Variants in XRCC5 observed in about 807,000 individuals in gnomAD.
XRCC5 encodes DNA repair protein Ku80.
A neutral mutation model predicts 95.7 loss-of-function variants in XRCC5; 12 were observed. The ratio of observed to expected loss-of-function variants is 0.13; its 90% CI spans 0.08 to 0.20. The LOEUF is 0.20. XRCC5 is among the 10% of genes least tolerant of loss of function. The pLI, the probability that XRCC5 is intolerant of heterozygous loss-of-function variation, is 1.00. For missense variants in XRCC5, 595 were observed against 873.9 expected, an observed-to-expected ratio of 0.68 and a Z score of 4.02; for synonymous variants, 281 against 290.3, an observed-to-expected ratio of 0.97 and a Z score of 0.33.
intron 16 of XRCC5, among the ~76,000 whole-genome samples, chr2:216,188,046 C>T (rs1689540763): frequency 6.6e-6 from 1 of 152,058 alleles, no homozygotes; most frequent in African/African-American, 2.4e-5. Flanking sequence ...TCCCTTTCCT[C>T]CAGCCATTTG....
intron 6 of XRCC5, among the ~76,000 whole-genome samples, chr2:216,124,492 T>C (rs1696873288): frequency 1.3e-5 from 2 of 152,150 alleles, no homozygotes. Flanking sequence ...TTTTAGGCCA[T>C]GAGGTTTATA....
At chr2:216,119,527 A>AT (rs925542773) in intron 5 of XRCC5, among the ~76,000 whole-genome samples, 33 of 149,106 alleles carry the variant, frequency 2.2e-4, no homozygotes, top group African/African-American at 4.4e-4. Flanking sequence ...AGATTGATGG[A>AT]TTTTTTTTTT....
In XRCC5 at chr2:216,125,933, CTG is replaced by C. The variant is rs1696893710; in HGVS notation, c.703_704del (p.Cys235ArgfsTer6). 6.2e-7 allele frequency: 1 copy of C among 1,613,456 alleles called. No homozygotes were observed. Among genetic ancestry groups the C allele is most frequent in the African/African-American group, 1.3e-5 (1 of 74,916 alleles). ...TTTATTAAGTGAGAGTCTGAGAAAA[CTG>C]TGCGTCTTCAAGAAAATTGAGAGGC... Reference protein sequence around the residue: ...IYSFSESLRKLCVFKKIERHS... With the variant: ...IYSFSESLRKXCVFKKIERHS... On this transcript the variant is annotated frameshift_variant, in exon 7 of 21. Coordinates refer to ENST00000392132, the MANE Select transcript of XRCC5 (RefSeq NM_021141.4). LOFTEE classifies it high-confidence loss of function.
intron 6 of XRCC5, among the ~76,000 whole-genome samples, chr2:216,123,555 C>T (rs1193532759): frequency 6.6e-6 from 1 of 152,136 alleles, no homozygotes; most frequent in East Asian, 1.9e-4. Context: ...CTTGTAATTC[C>T]AGCACTTTGG....
intron 2 of XRCC5, among the ~76,000 whole-genome samples, chr2:216,115,687 C>G (rs1574450158): frequency 6.6e-6 from 1 of 152,182 alleles, no homozygotes; most frequent in African/African-American, 2.4e-5. Flanking sequence ...GTGTCAGATA[C>G]TATTTTTTGT....
chr2:216,198,924 A>C (rs6747119), intron 19 of XRCC5, among the ~76,000 whole-genome samples: 22 of 151,978 alleles, frequency 1.4e-4, no homozygotes, highest in African/African-American at 4.1e-4. Flanking sequence ...TGTACATGTA[A>C]ATGATAATGG....
rs1262072725 is a variant in XRCC5, at chr2:216,205,492, A to G, written c.*290A>G. The G allele has an allele frequency of 2.4e-6, 1 of 415,162 alleles. No homozygotes were observed. Among genetic ancestry groups the G allele is most frequent in the Non-Finnish European group, 4.4e-6 (1 of 229,752 alleles). The allele number at this position is 415,162 out of a possible 1,614,324, so 25.7% of individuals were successfully genotyped here. A position where few individuals can be genotyped will look rare whatever the true frequency, so the allele number is the denominator to read the frequency against. ...TTTGTATATTACATACATGCTTTGA[A>G]GTTTCTGGAAAGTAGATCTTTTCTT... On this transcript the variant is annotated 3_prime_UTR_variant, in exon 21 of 21. Transcript: ENST00000392132.
At chr2:216,161,909 C>CTTG in intron 15 of XRCC5, 70 bp from the exon 16 acceptor site, 1 of 1,310,408 alleles carries the variant, frequency 7.6e-7, no homozygotes, top group South Asian at 1.2e-5. Flanking sequence ...ATTAAGCCAT[C>CTTG]TTGTATTGCC....
rs183944840 is a variant in XRCC5 at position 216,109,354 on chromosome 2, T to G, written c.-83T>G. ...AAACGAAGCGGCTCTTTCCGCTATC[T>G]GCCGCTTGTCCACCGGAAGCGAGTT... On this transcript the variant is annotated 5_prime_UTR_variant, in exon 1 of 21. Transcript: ENST00000392132. 16 of 1,606,062 alleles carry G rather than the reference T, an allele frequency of 1.0e-5. No homozygotes were observed. The Admixed American group carries it at 2.5e-4, about 26-fold the overall frequency.
At chr2:216,131,696 T>C (rs1024302185) in intron 9 of XRCC5, among the ~76,000 whole-genome samples, 1 of 152,186 alleles carries the variant, frequency 6.6e-6, no homozygotes, top group Non-Finnish European at 1.5e-5. Context: ...GTGTTACTCT[T>C]AGGAGGAAAT....
chr2:216,148,912 TA>T (rs1688688242), intron 14 of XRCC5, among the ~76,000 whole-genome samples: 1 of 151,378 alleles, frequency 6.6e-6, no homozygotes, highest in Non-Finnish European at 1.5e-5. Context: ...AAAACAAAAA[TA>T]AAACAAGAAG....
intron 16 of XRCC5, among the ~76,000 whole-genome samples, chr2:216,170,835 G>A (rs1308940184): frequency 6.6e-6 from 1 of 152,160 alleles, no homozygotes; most frequent in Non-Finnish European, 1.5e-5. Context: ...AGCAGTTCAA[G>A]GATTTACTCA....
chr2:216,133,188 C>T (rs931385499), intron 10 of XRCC5, among the ~76,000 whole-genome samples: 12 of 152,144 alleles, frequency 7.9e-5, no homozygotes, highest in African/African-American at 2.4e-4. Context: ...TTGGCTTCTA[C>T]CCTGTTCTGA....
intron 18 of XRCC5, 50 bp downstream of exon 18, chr2:216,192,785 T>C (rs558349659): frequency 3.2e-6 from 4 of 1,239,806 alleles, no homozygotes; most frequent in East Asian, 2.6e-5. Flanking sequence ...AAAATACTTA[T>C]GCTATTTTAT....
intron 16 of XRCC5, among the ~76,000 whole-genome samples, chr2:216,181,461 G>A (rs1453210882): frequency 6.6e-6 from 1 of 152,140 alleles, no homozygotes; most frequent in African/African-American, 2.4e-5. Context: ...GATTCCCTCT[G>A]TGAACCTTGT....
At chr2:216,147,833 C>G (rs1412429239) in intron 13 of XRCC5, among the ~76,000 whole-genome samples, 8 of 152,192 alleles carry the variant, frequency 5.3e-5, no homozygotes, top group Non-Finnish European at 1.2e-4. Context: ...TAAGGTGAGG[C>G]TCCTTTCCAG....
At chr2:216,115,499 G>A (rs1696679446) in intron 2 of XRCC5, among the ~76,000 whole-genome samples, 2 of 152,070 alleles carry the variant, frequency 1.3e-5, no homozygotes, top group Non-Finnish European at 2.9e-5. Flanking sequence ...TCCAGCAGCA[G>A]GCACCCAGAC....
chr2:216,124,147 TACTGGACAGC>T (rs1165220905), intron 6 of XRCC5, among the ~76,000 whole-genome samples: 1 of 152,242 alleles, frequency 6.6e-6, no homozygotes, highest in African/African-American at 2.4e-5. Flanking sequence ...CAGAAAGTTG[TACTGGACAGC>T]ACTGGACTAG....
At chr2:216,201,398 G>A (rs573748508) in intron 19 of XRCC5, among the ~76,000 whole-genome samples, 7 of 152,200 alleles carry the variant, frequency 4.6e-5, no homozygotes, top group Non-Finnish European at 8.8e-5. Flanking sequence ...GTCAGTAAGG[G>A]TCTGAGCACA....
Sources: allele counts gnomAD v4.1 joint callset (sites outside exome capture counted in the v4.1 genomes callset), GRCh38; gene constraint gnomAD v4.1.1; transcripts MANE v1.5; gene names NCBI Gene and HGNC (gene_info 2026-07-23, HGNC 2026-07-21).